The following C8A variants were observed in gnomAD, a reference collection of about 807,000 sequenced individuals.
The protein encoded by C8A is complement C8 alpha chain.
A neutral mutation model predicts 65.3 loss-of-function variants in C8A; 67 were observed. The observed-to-expected ratio is 1.03, with a 90% confidence interval of 0.84 to 1.26. The LOEUF (loss-of-function observed/expected upper bound fraction) is 1.26. C8A is among the 50% of genes most tolerant of loss of function. The pLI is 0.00. For synonymous variants in C8A, 290 were observed against 259.4 expected (o/e 1.12, Z -1.13); for missense variants, 781 against 723.9 (o/e 1.08, Z -0.90).
intron 2 of C8A, among the ~76,000 whole-genome samples, chr1:56,871,503 GT>G (rs1283924105): frequency 6.6e-6 from 1 of 152,168 alleles, no homozygotes; most frequent in African/African-American, 2.4e-5. Context: ...TTCTTTACAT[GT>G]GTTATGATGA....
At chr1:56,884,494 A>G (rs962820829) in intron 6 of C8A, among the ~76,000 whole-genome samples, 7 of 152,210 alleles carry the variant, frequency 4.6e-5, no homozygotes, top group African/African-American at 1.7e-4. Flanking sequence ...GAATGATGAA[A>G]ATATAGTTAT....
rs1368663769 is a variant in C8A at position 56,897,076 on chromosome 1, C to T, written c.1097-9591C>T. The stretch of plus-strand genomic sequence containing the variant: ...CAAGTGCAGTGTTTCTTGCAGTAAA[C>T]CTAGATATTTTATTTCATTTATTTT... On this transcript the variant is annotated intron_variant, in intron 7 of 10. Coordinates refer to ENST00000361249, the MANE Select transcript of C8A (RefSeq NM_000562.3). Among the ~76,000 whole-genome samples, 4 of 152,194 alleles carry T rather than the reference C, an allele frequency of 2.6e-5. No individual in the cohort carries two copies. The East Asian group carries it at 7.7e-4, about 29-fold the overall frequency.
At chr1:56,880,503 A>C (rs1173333837) in intron 4 of C8A, among the ~76,000 whole-genome samples, 2 of 152,146 alleles carry the variant, frequency 1.3e-5, no homozygotes, top group African/African-American at 4.8e-5. Context: ...ACTGTGTTCA[A>C]AGTCATACAG....
intron 4 of C8A, 110 bp downstream of exon 4, chr1:56,876,319 C>A: frequency 1.5e-6 from 2 of 1,306,612 alleles, no homozygotes; most frequent in Non-Finnish European, 2.2e-6. Flanking sequence ...CTCTGGAGTG[C>A]ATGCTGTGAG....
At chr1:56,891,962 G>A (rs1354956744) in intron 7 of C8A, among the ~76,000 whole-genome samples, 1 of 152,050 alleles carries the variant, frequency 6.6e-6, no homozygotes. Flanking sequence ...ATTGTCCTTG[G>A]GGTATTTTTT....
chr1:56,881,371 T>C, intron 4 of C8A, 74 bp from the exon 5 acceptor site: 1 of 1,457,292 alleles, frequency 6.9e-7, no homozygotes, highest in East Asian at 2.3e-5. Flanking sequence ...TGGTTTAATA[T>C]ACAGATCATC....
rs552781801 is a variant in C8A, at chr1:56,870,715, C to A, written c.171+3013C>A. ...TTATTTCAGTTTAGACAGCAGGTAC[C>A]ACAAGACAATGACTTGCAGTTTAAA... On this transcript the variant is annotated intron_variant, in intron 2 of 10. Transcript: ENST00000361249. Among the ~76,000 whole-genome samples, 4 of 147,156 alleles carry A rather than the reference C, an allele frequency of 2.7e-5. No individual in the cohort carries two copies. In the South Asian group the frequency reaches 8.5e-4, roughly 31 times the overall value.
intron 6 of C8A, among the ~76,000 whole-genome samples, chr1:56,884,480 T>A (rs1485609222): frequency 2.0e-5 from 3 of 152,180 alleles, no homozygotes. Flanking sequence ...TCAAAAATTA[T>A]CTTGAATGAT....
intron 1 of C8A, among the ~76,000 whole-genome samples, chr1:56,858,271 G>A (rs1306230202): frequency 6.6e-6 from 1 of 152,142 alleles, no homozygotes; most frequent in Non-Finnish European, 1.5e-5. Context: ...GCAAGAAACT[G>A]AACCTTAGAG....
At chr1:56,916,488 C>G (rs1644553828) in intron 10 of C8A, among the ~76,000 whole-genome samples, 1 of 152,122 alleles carries the variant, frequency 6.6e-6, no homozygotes. Context: ...AGACAGAGAG[C>G]CTTGCTGTGG....
intron 7 of C8A, among the ~76,000 whole-genome samples, chr1:56,898,525 T>G (rs1570345369): frequency 6.6e-6 from 1 of 152,170 alleles, no homozygotes; most frequent in Non-Finnish European, 1.5e-5. Flanking sequence ...CCTCTGCCCT[T>G]CCTTATTCAC....
intron 1 of C8A, among the ~76,000 whole-genome samples, chr1:56,865,000 TAAAC>T (rs947236886): frequency 4.6e-5 from 7 of 151,990 alleles, no homozygotes; most frequent in African/African-American, 9.7e-5. Flanking sequence ...TAGGAAAAAA[TAAAC>T]AAACAAACAA....
intron 4 of C8A, among the ~76,000 whole-genome samples, chr1:56,877,499 C>A (rs547361352): frequency 6.6e-6 from 1 of 152,110 alleles, no homozygotes; most frequent in African/African-American, 2.4e-5. Context: ...TCTCCAGTAC[C>A]GGAACAGGGC....
intron 2 of C8A, among the ~76,000 whole-genome samples, chr1:56,870,298 G>A (rs1193970695): frequency 2.0e-5 from 3 of 151,900 alleles, no homozygotes; most frequent in Non-Finnish European, 2.9e-5. Flanking sequence ...TGCAGTTTTG[G>A]CATATCAAGT....
At chr1:56,888,902 C>T (rs893123035) in intron 7 of C8A, among the ~76,000 whole-genome samples, 3 of 152,090 alleles carry the variant, frequency 2.0e-5, no homozygotes, top group Non-Finnish European at 2.9e-5. Flanking sequence ...ATTACTTAGT[C>T]CAGGCCTGCC....
At chr1:56,866,983 G>A (rs1644095633) in intron 1 of C8A, among the ~76,000 whole-genome samples, 1 of 152,086 alleles carries the variant, frequency 6.6e-6, no homozygotes, top group African/African-American at 2.4e-5. Context: ...GGGCTACTTA[G>A]CTTTTAGGAA....
intron 1 of C8A, among the ~76,000 whole-genome samples, chr1:56,863,981 G>T (rs1644059923): frequency 6.6e-6 from 1 of 151,370 alleles, no homozygotes. Flanking sequence ...CTTTCCATGG[G>T]TCTGGCCCAT....
intron 7 of C8A, among the ~76,000 whole-genome samples, chr1:56,899,959 GTC>G (rs1340693198): frequency 2.0e-5 from 3 of 152,200 alleles, no homozygotes; most frequent in Non-Finnish European, 4.4e-5. Context: ...AGCTCAGGTA[GTC>G]TCTGTTTCAG....
chr1:56,872,422 A>G (rs1644154837), intron 2 of C8A, among the ~76,000 whole-genome samples: 1 of 152,136 alleles, frequency 6.6e-6, no homozygotes, highest in South Asian at 2.1e-4. Context: ...AACATGTAAC[A>G]TTAGTTGATG....
Sources: gnomAD v4.1 joint callset for allele counts (sites outside exome capture counted in the v4.1 genomes callset) on GRCh38, gnomAD v4.1.1 for gene constraint, MANE v1.5 for transcripts, NCBI Gene and HGNC (gene_info 2026-07-23, HGNC 2026-07-21) for gene names.